CDH4: variants seen among roughly 807,000 people sequenced by gnomAD.
CDH4 encodes cadherin 4, also known as cadherin-4.
CDH4 carries 33 observed loss-of-function variants against 86.0 expected under a neutral mutation model. The observed-to-expected ratio is 0.38, with a 90% CI of 0.29 to 0.51. The LOEUF (loss-of-function observed/expected upper bound fraction) is 0.51. Among genes scored for constraint, CDH4 ranks in the 20% least tolerant of loss-of-function variants. The pLI is 0.86. For missense variants in CDH4, 1,114 were observed against 1,307.4 expected (o/e 0.85, Z 2.28); for synonymous variants, 555 against 549.4 (o/e 1.01, Z -0.14).
At chr20:61,731,830 C>A (rs543226688) in intron 2 of CDH4, among the ~76,000 whole-genome samples, 26 of 152,266 alleles carry the variant, frequency 1.7e-4, no homozygotes, top group South Asian at 1.5e-3. Flanking sequence ...GACTGTCACC[C>A]CCACGAGGAC....
chr20:61,448,425 G>T (rs1420819999), intron 2 of CDH4, among the ~76,000 whole-genome samples: 2 of 152,302 alleles, frequency 1.3e-5, no homozygotes, highest in Admixed American at 1.3e-4. Context: ...TTTGCTACTC[G>T]CACCCAACAG....
At chr20:61,813,253 C>T (rs1228552231) in intron 4 of CDH4, among the ~76,000 whole-genome samples, 1 of 152,182 alleles carries the variant, frequency 6.6e-6, no homozygotes, top group South Asian at 2.1e-4. Flanking sequence ...TCCCCAGCTT[C>T]GGGCCGGGAT....
chr20:61,662,308 G>A (rs2087266721), intron 2 of CDH4, among the ~76,000 whole-genome samples: 1 of 152,238 alleles, frequency 6.6e-6, no homozygotes, highest in African/African-American at 2.4e-5. Flanking sequence ...GCCCCTTTCT[G>A]GAGCCATCGC....
At chr20:61,624,565 G>A (rs1600816415) in intron 2 of CDH4, among the ~76,000 whole-genome samples, 1 of 152,350 alleles carries the variant, frequency 6.6e-6, no homozygotes. Flanking sequence ...CAGGCAGCCA[G>A]GAGACCAAGC....
At chr20:61,679,169 G>C (rs2087479706) in intron 2 of CDH4, among the ~76,000 whole-genome samples, 1 of 152,158 alleles carries the variant, frequency 6.6e-6, no homozygotes, top group Admixed American at 6.5e-5. Flanking sequence ...ATGGCCTGGT[G>C]TTTGCAGTTC....
At chr20:61,493,447 T>G (rs1485582572) in intron 2 of CDH4, among the ~76,000 whole-genome samples, 3 of 152,210 alleles carry the variant, frequency 2.0e-5, no homozygotes. Context: ...CCCATAAAAA[T>G]AAGTTGTTAG....
chr20:61,628,822 G>C (rs184810635), intron 2 of CDH4, among the ~76,000 whole-genome samples: 371 of 152,344 alleles, frequency 2.4e-3, no homozygotes, highest in Middle Eastern at 0.01. Context: ...GCCACATCAT[G>C]GGCACAGACA....
At chr20:61,929,583 G>C (rs1476893915) in intron 12 of CDH4, 26 bp from the exon 13 acceptor site, 5 of 1,571,578 alleles carry the variant, frequency 3.2e-6, no homozygotes, top group Non-Finnish European at 4.4e-6. Flanking sequence ...GGCTCTGGTT[G>C]AATGTTTACT....
intron 3 of CDH4, among the ~76,000 whole-genome samples, chr20:61,751,980 C>T (rs1282237914): frequency 2.6e-5 from 4 of 152,210 alleles, no homozygotes; most frequent in African/African-American, 7.2e-5. Flanking sequence ...AAAGCTTCCT[C>T]GCACATGGCA....
chr20:61,395,118 G>A (rs896289899), intron 2 of CDH4, among the ~76,000 whole-genome samples: 8 of 151,406 alleles, frequency 5.3e-5, no homozygotes, highest in African/African-American at 1.9e-4. Context: ...GTCCCAGGGG[G>A]GAGATGCACC....
chr20:61,427,096 C>G (rs1156829680), intron 2 of CDH4, among the ~76,000 whole-genome samples: 1 of 152,224 alleles, frequency 6.6e-6, no homozygotes, highest in Non-Finnish European at 1.5e-5. Context: ...ACATCACAGG[C>G]TGACATCTTT....
At chr20:61,506,988 G>A (rs1488579173) in intron 2 of CDH4, among the ~76,000 whole-genome samples, 1 of 152,210 alleles carries the variant, frequency 6.6e-6, no homozygotes, top group Non-Finnish European at 1.5e-5. Context: ...AAAATTACTC[G>A]AATCAGTGGC....
In CDH4 at chr20:61,708,605, GACCCTCTCC is replaced by G. The variant is rs2087858060; in HGVS notation, c.170-34951_170-34943del. ...TCCCTCCAGCCTCATGCCCCTTGTAGACCCTCTCCACCCTCCTGTGCCTGGAGCCCCTCC... is the reference window on the plus strand; with the variant it reads ...TCCCTCCAGCCTCATGCCCCTTGTAGACCCTCCTGTGCCTGGAGCCCCTCC... On this transcript the variant is annotated intron_variant, in intron 2 of 15. Transcript: ENST00000614565. The surrounding 1 kb of genome is among the most constrained non-coding windows in gnomAD (Gnocchi z 4.5). 6.6e-6 allele frequency among the ~76,000 whole-genome samples: 1 copy of G among 152,016 alleles called. No individual in the cohort carries two copies. The highest frequency in any genetic ancestry group is 1.5e-5 in the Non-Finnish European group (1 of 68,012).
At chr20:61,710,491 C>T (rs2087878433) in intron 2 of CDH4, among the ~76,000 whole-genome samples, 1 of 152,328 alleles carries the variant, frequency 6.6e-6, no homozygotes, top group African/African-American at 2.4e-5. Flanking sequence ...TTCAGATGCA[C>T]GTTCCCACTT....
intron 2 of CDH4, among the ~76,000 whole-genome samples, chr20:61,633,830 A>G (rs1358015872): frequency 1.3e-5 from 2 of 152,094 alleles, no homozygotes; most frequent in East Asian, 3.8e-4. Flanking sequence ...ATGTGCACTG[A>G]GTGCCATCTC....
At chr20:61,900,974 G>A (rs367949970) in intron 8 of CDH4, among the ~76,000 whole-genome samples, 83 of 152,334 alleles carry the variant, frequency 5.4e-4, no homozygotes, top group African/African-American at 1.8e-3. Context: ...GATTAATAAT[G>A]CCGATTGATA....
chr20:61,671,627 G>A (rs2087388422), intron 2 of CDH4, among the ~76,000 whole-genome samples: 2 of 152,016 alleles, frequency 1.3e-5, no homozygotes, highest in South Asian at 4.2e-4. Flanking sequence ...ATGGATGGGT[G>A]TGTAGATGAG....
chr20:61,583,838 C>T (rs1014933023), intron 2 of CDH4, among the ~76,000 whole-genome samples: 6 of 152,208 alleles, frequency 3.9e-5, no homozygotes, highest in Non-Finnish European at 7.3e-5. Context: ...GCCACACACT[C>T]CTTCAAGATG....
intron 2 of CDH4, among the ~76,000 whole-genome samples, chr20:61,323,279 GT>G (rs2084519077): frequency 6.6e-6 from 1 of 152,158 alleles, no homozygotes; most frequent in African/African-American, 2.4e-5. Context: ...TGGGTGGCAG[GT>G]CAGCCCCTGT....
Sources: allele counts gnomAD v4.1 joint callset (sites outside exome capture counted in the v4.1 genomes callset), GRCh38; gene constraint gnomAD v4.1.1; non-coding constraint Gnocchi (gnomAD v3.1); transcripts MANE v1.5; gene names NCBI Gene and HGNC (gene_info 2026-07-23, HGNC 2026-07-21).